PHACTR1: variants seen among roughly 807,000 people sequenced by gnomAD.
PHACTR1 encodes the protein RPEL repeat containing 1.
A neutral mutation model predicts 69.2 loss-of-function variants in PHACTR1; 16 were observed. The ratio of observed to expected loss-of-function variants is 0.23; its 90% CI spans 0.16 to 0.35. The LOEUF (loss-of-function observed/expected upper bound fraction) is 0.35, where lower values mean the gene tolerates loss of function less well. Among genes scored for constraint, PHACTR1 ranks in the 10% least tolerant of loss-of-function variants. The pLI is 1.00. For synonymous variants in PHACTR1, 312 were observed against 284.5 expected (o/e 1.10, Z -0.97); for missense variants, 510 against 734.7 (o/e 0.69, Z 3.54).
intron 10 of PHACTR1, among the ~76,000 whole-genome samples, chr6:13,238,161 C>A (rs1445158806): frequency 6.6e-6 from 1 of 152,180 alleles, no homozygotes; most frequent in East Asian, 1.9e-4. Flanking sequence ...GCTTTCTTTT[C>A]CTTAACACCC....
Position 12,954,142 on chromosome 6 carries a change from C to T in PHACTR1, c.251-99223C>T, listed in dbSNP as rs190561217. Among the ~76,000 whole-genome samples the T allele has an allele frequency of 3.2e-4, 49 of 152,116 alleles. No individual in the cohort carries two copies. The East Asian group carries it at 9.3e-3, about 29-fold the overall frequency. ...GAACATTCCAGGCAGACGAAACAGACTTTAAACAAAGGCAGGGAGACCGAG... is the reference window on the plus strand; with the variant it reads ...GAACATTCCAGGCAGACGAAACAGATTTTAAACAAAGGCAGGGAGACCGAG... On this transcript the variant is annotated intron_variant, in intron 4 of 14. Coordinates refer to ENST00000332995, the MANE Select transcript of PHACTR1 (RefSeq NM_030948.6).
At chr6:13,160,125 A>G (rs941002664) in intron 5 of PHACTR1, 79 bp from the exon 6 acceptor site, 1 of 1,202,698 alleles carries the variant, frequency 8.3e-7, no homozygotes, top group Non-Finnish European at 1.2e-6. Flanking sequence ...ACATTGCCAT[A>G]TGTGTTAACA....
At chr6:13,201,067 G>A (rs1481718777) in intron 7 of PHACTR1, among the ~76,000 whole-genome samples, 1 of 152,172 alleles carries the variant, frequency 6.6e-6, no homozygotes, top group Non-Finnish European at 1.5e-5. Flanking sequence ...TCCTGGTCCT[G>A]AGGACCACAG....
chr6:13,045,269 T>C (rs1426474473), intron 4 of PHACTR1, among the ~76,000 whole-genome samples: 1 of 152,208 alleles, frequency 6.6e-6, no homozygotes, highest in African/African-American at 2.4e-5. Context: ...ACAAGTTTAA[T>C]TTGAGGATTA....
intron 10 of PHACTR1, 87 bp downstream of exon 10, chr6:13,230,280 A>G (rs1162976746): frequency 1.9e-6 from 3 of 1,544,322 alleles, no homozygotes; most frequent in Non-Finnish European, 2.6e-6. Context: ...GGCCGGGCGC[A>G]GTAGCTTATG....
chr6:13,046,328 A>G (rs538243886), intron 4 of PHACTR1, among the ~76,000 whole-genome samples: 1 of 152,274 alleles, frequency 6.6e-6, no homozygotes, highest in Non-Finnish European at 1.5e-5. Context: ...GGATTCAGAC[A>G]GATAAAGCCT....
intron 7 of PHACTR1, among the ~76,000 whole-genome samples, chr6:13,205,159 G>A (rs1261028000): frequency 6.6e-6 from 1 of 152,156 alleles, no homozygotes; most frequent in Non-Finnish European, 1.5e-5. Context: ...AAGGGGAGCT[G>A]GTGTGTGCAG....
chr6:13,095,739 T>C (rs1401589709), intron 5 of PHACTR1, among the ~76,000 whole-genome samples: 2 of 148,510 alleles, frequency 1.3e-5, no homozygotes, highest in African/African-American at 4.9e-5. Flanking sequence ...AAGTGAATTA[T>C]TGTGAAGGGC....
chr6:12,721,369 G>A (rs1762106795), intron 3 of PHACTR1, among the ~76,000 whole-genome samples: 1 of 149,492 alleles, frequency 6.7e-6, no homozygotes, highest in African/African-American at 2.5e-5. Context: ...GGGTGACAGA[G>A]TGAGATTCTG....
At chr6:12,866,665 A>G (rs779966264) in intron 4 of PHACTR1, among the ~76,000 whole-genome samples, 8 of 152,132 alleles carry the variant, frequency 5.3e-5, no homozygotes, top group Non-Finnish European at 1.0e-4. Context: ...TTATATTCAC[A>G]ATGGTTAAGG....
At chr6:13,231,620 C>T (rs1439032398) in intron 10 of PHACTR1, among the ~76,000 whole-genome samples, 1 of 152,220 alleles carries the variant, frequency 6.6e-6, no homozygotes, top group Non-Finnish European at 1.5e-5. Flanking sequence ...AGTGATGCTT[C>T]ATTACTCCAC....
intron 4 of PHACTR1, among the ~76,000 whole-genome samples, chr6:12,786,103 C>G (rs1771512082): frequency 1.3e-5 from 2 of 152,234 alleles, no homozygotes; most frequent in South Asian, 4.1e-4. Context: ...AGAAAGACTG[C>G]ATATTCTTCC....
At chr6:12,762,618 A>C (rs1768149149) in intron 4 of PHACTR1, among the ~76,000 whole-genome samples, 1 of 152,142 alleles carries the variant, frequency 6.6e-6, no homozygotes, top group South Asian at 2.1e-4. Flanking sequence ...GTGGTTTCTG[A>C]AATCTTAGCC....
At chr6:13,267,926 A>T (rs202071) in intron 10 of PHACTR1, 109,112 of 146,038 alleles carry the variant, frequency 0.75, 42,137 homozygotes, top group Non-Finnish European at 0.86. Flanking sequence ...GCCTGGGGAG[A>T]GGGCTAATTT....
At chr6:13,086,828 G>A (rs1812396631) in intron 5 of PHACTR1, among the ~76,000 whole-genome samples, 1 of 152,052 alleles carries the variant, frequency 6.6e-6, no homozygotes, top group Non-Finnish European at 1.5e-5. Context: ...GTAAGGGTAT[G>A]TTTAACTTTA....
At chr6:13,132,579 T>C (rs1056103611) in intron 5 of PHACTR1, among the ~76,000 whole-genome samples, 3 of 152,192 alleles carry the variant, frequency 2.0e-5, no homozygotes, top group African/African-American at 7.2e-5. Context: ...TCCAGACCAC[T>C]GAAATAAAGT....
chr6:13,055,809 C>G (rs573107276), intron 5 of PHACTR1, among the ~76,000 whole-genome samples: 46 of 152,358 alleles, frequency 3.0e-4, no homozygotes, highest in South Asian at 8.3e-4. Flanking sequence ...TCAGATTACT[C>G]ATGAATTATT....
intron 5 of PHACTR1, among the ~76,000 whole-genome samples, chr6:13,054,205 G>A (rs1806428490): frequency 6.6e-6 from 1 of 152,214 alleles, no homozygotes; most frequent in African/African-American, 2.4e-5. Flanking sequence ...TTCCTCGTCT[G>A]TAAAATAGAA....
rs1035603025 is a variant in PHACTR1, at chr6:12,957,974, G to A, written c.251-95391G>A. 4.1e-6 allele frequency: 4 copies of A among 985,316 alleles called. No homozygotes were observed. In the Admixed American group the frequency reaches 2.5e-4, roughly 61 times the overall value. 61.0% of individuals were successfully genotyped at this position (985,316 alleles called of 1,614,324 possible). ...TTTAAGAAAGCACAGCTATTGGAAA[G>A]CCAGGAAACAGACCCAGAGAGGCGG... On this transcript the variant is annotated intron_variant, in intron 4 of 14. Transcript: ENST00000332995.
Sources: gnomAD v4.1 joint callset for allele counts (sites outside exome capture counted in the v4.1 genomes callset) on GRCh38, gnomAD v4.1.1 for gene constraint, MANE v1.5 for transcripts, NCBI Gene and HGNC (gene_info 2026-07-23, HGNC 2026-07-21) for gene names.